Variants in ZNF131 observed in about 807,000 individuals in gnomAD.
The protein encoded by ZNF131 is zinc finger protein 131.
In ZNF131, 7 loss-of-function variants were observed where a neutral mutation model predicts 60.0. That is an observed-to-expected ratio of 0.12 (90% CI 0.07 to 0.22). ZNF131 has a LOEUF of 0.22. Among genes scored for constraint, ZNF131 ranks in the 10% least tolerant of loss-of-function variants. The pLI is 1.00. For synonymous variants in ZNF131, 257 were observed against 253.2 expected (o/e 1.01, Z -0.14); for missense variants, 493 against 740.9 (o/e 0.67, Z 3.88).
intron 3 of ZNF131, among the ~76,000 whole-genome samples, chr5:43,137,793 C>T (rs1329301137): frequency 2.0e-5 from 3 of 152,142 alleles, no homozygotes; most frequent in African/African-American, 7.2e-5. Flanking sequence ...TTCATTGCAG[C>T]ACTATTTACA....
intron 4 of ZNF131, among the ~76,000 whole-genome samples, chr5:43,156,172 C>T (rs774640941): frequency 2.0e-4 from 31 of 152,308 alleles, no homozygotes; most frequent in Admixed American, 4.6e-4. Flanking sequence ...ATCAGCCGTA[C>T]CACAAGGTCA....
intron 4 of ZNF131, among the ~76,000 whole-genome samples, chr5:43,150,500 C>T (rs1339490086): frequency 6.6e-6 from 1 of 152,114 alleles, no homozygotes; most frequent in Non-Finnish European, 1.5e-5. Context: ...CCGTAGGGAC[C>T]AGGACCTGGC....
At chr5:43,127,079 G>A (rs1445085705) in intron 3 of ZNF131, among the ~76,000 whole-genome samples, 1 of 152,090 alleles carries the variant, frequency 6.6e-6, no homozygotes, top group East Asian at 1.9e-4. Context: ...ACTTTTCAGA[G>A]TCCTTGTATA....
In ZNF131 at chr5:43,161,478, C is replaced by G; in HGVS notation, c.601C>G (p.Gln201Glu). The part of the protein sequence containing the change: ...ASAKQSVKYI[Q>E]STGSSDDSAL... ...TGCCAAGCAGTCCGTAAAGTACATACAGAGCACAGGTTCCTCTGATGATTC... is the reference window on the plus strand; with the variant it reads ...TGCCAAGCAGTCCGTAAAGTACATAGAGAGCACAGGTTCCTCTGATGATTC... The change falls in exon 5 of 7, where the codon CAG becomes GAG. Residue 201 changes from glutamine to glutamate, a missense_variant. This residue lies in a region of ZNF131 where 138 missense variants were observed against 158.7 expected (regional missense o/e 0.87). Coordinates refer to ENST00000682664, the MANE Select transcript of ZNF131 (RefSeq NM_001330707.2). 3 of 1,614,270 alleles carry G rather than the reference C, an allele frequency of 1.9e-6. No individual in the cohort carries two copies. The highest frequency in any genetic ancestry group is 1.7e-6 in the Non-Finnish European group (2 of 1,180,046).
intron 4 of ZNF131, among the ~76,000 whole-genome samples, chr5:43,151,407 C>A (rs1392832537): frequency 2.6e-5 from 4 of 152,144 alleles, no homozygotes; most frequent in Admixed American, 1.3e-4. Flanking sequence ...TTATAACCAC[C>A]TCTTAGGTGT....
intron 3 of ZNF131, among the ~76,000 whole-genome samples, chr5:43,131,038 T>G (rs1439409557): frequency 6.6e-6 from 1 of 151,982 alleles, no homozygotes; most frequent in Non-Finnish European, 1.5e-5. Context: ...CCAATTTTTG[T>G]ATTTTTAATA....
intron 4 of ZNF131, among the ~76,000 whole-genome samples, chr5:43,142,668 T>C (rs1247800207): frequency 7.1e-6 from 1 of 141,826 alleles, no homozygotes; most frequent in Non-Finnish European, 1.5e-5. Flanking sequence ...ACCCCCATTC[T>C]GTCTCTCAGA....
At chr5:43,170,590 T>C (rs940138189) in intron 5 of ZNF131, among the ~76,000 whole-genome samples, 3 of 151,844 alleles carry the variant, frequency 2.0e-5, no homozygotes, top group East Asian at 3.9e-4. Flanking sequence ...AGATTACTTA[T>C]CTTCCAACCC....
At chr5:43,146,439 A>G (rs978638472) in intron 4 of ZNF131, among the ~76,000 whole-genome samples, 1 of 151,862 alleles carries the variant, frequency 6.6e-6, no homozygotes, top group Non-Finnish European at 1.5e-5. Context: ...ACAAAACAAA[A>G]TTAGCTGGGT....
intron 5 of ZNF131, among the ~76,000 whole-genome samples, chr5:43,166,135 G>C (rs985368697): frequency 6.6e-6 from 1 of 152,130 alleles, no homozygotes; most frequent in Non-Finnish European, 1.5e-5. Context: ...CTTTTATCCA[G>C]GTTACTCACT....
At position 43,163,298 on chromosome 5, in the gene ZNF131, T is replaced by C. The variant is rs140978135; in HGVS notation, c.1054+1367T>C. On this transcript the variant is annotated intron_variant, in intron 5 of 6. Coordinates refer to ENST00000682664, the MANE Select transcript of ZNF131 (RefSeq NM_001330707.2). ...CGGCCCATGTTTATACTTTTTAATG[T>C]ACATTGAGTTACCTGCTTTGGCACA... Among the ~76,000 whole-genome samples, 418 of 152,292 alleles carry C rather than the reference T, an allele frequency of 2.7e-3. 18 individuals carry two copies. The East Asian group carries it at 0.077, about 28-fold the overall frequency.
chr5:43,144,165 A>G (rs570361394), intron 4 of ZNF131, among the ~76,000 whole-genome samples: 19 of 144,992 alleles, frequency 1.3e-4, no homozygotes, highest in African/African-American at 4.3e-4. Flanking sequence ...CTCGTGATCC[A>G]CTTGTCTCGG....
chr5:43,124,482 T>C lies in ZNF131; in HGVS notation c.226+1172T>C, dbSNP rs1744260236. Reference sequence around the variant, plus strand: ...AAGAGTTAAGAATATTCTTTAATTTTGGTATATTCCAGTTTAGCATTATAG... The same window carrying C: ...AAGAGTTAAGAATATTCTTTAATTTCGGTATATTCCAGTTTAGCATTATAG... On this transcript the variant is annotated intron_variant, in intron 3 of 6. Coordinates refer to ENST00000682664, the MANE Select transcript of ZNF131 (RefSeq NM_001330707.2). 4 of 152,242 alleles carry C rather than the reference T, an allele frequency of 2.6e-5. No homozygotes were observed. In the South Asian group the frequency reaches 8.3e-4, roughly 31 times the overall value. The allele number at this position is 152,242 out of a possible 1,614,324, so 9.4% of individuals were successfully genotyped here.
At chr5:43,129,815 C>T (rs1468895506) in intron 3 of ZNF131, among the ~76,000 whole-genome samples, 8 of 152,052 alleles carry the variant, frequency 5.3e-5, no homozygotes, top group Admixed American at 3.3e-4. Context: ...CCACCACGCC[C>T]GGCTACTTTT....
chr5:43,153,548 A>G (rs1748594908), intron 4 of ZNF131, among the ~76,000 whole-genome samples: 1 of 150,708 alleles, frequency 6.6e-6, no homozygotes, highest in African/African-American at 2.4e-5. Context: ...AGGCTGAGGC[A>G]GGAGAATCAC....
rs149440189 is a variant in ZNF131 at position 43,142,556 on chromosome 5, G to C, written c.371+3247G>C. ...CCTGACCTCGTGATCCACCTGCCTC[G>C]ACCTCCCAAAGTGCTGGGATTATAG... On this transcript the variant is annotated intron_variant, in intron 4 of 6. Transcript: ENST00000682664. Among the ~76,000 whole-genome samples, 951 of 151,790 alleles carry C rather than the reference G, an allele frequency of 6.3e-3. 9 individuals are homozygous for C. Among genetic ancestry groups the C allele is most frequent in the African/African-American group, 0.022 (914 of 41,422 alleles).
In ZNF131 at chr5:43,160,314, G is replaced by A. The variant is rs570292250; in HGVS notation, c.372-935G>A. On this transcript the variant is annotated intron_variant, in intron 4 of 6. Transcript: ENST00000682664. The stretch of plus-strand genomic sequence containing the variant: ...GCCCAGGAGTTCAAGACCACCCTGG[G>A]TGACATAGTGAGACCTCGATTCTAT... 7.2e-5 allele frequency among the ~76,000 whole-genome samples: 11 copies of A among 152,204 alleles called. No individual in the cohort carries two copies. The South Asian group carries it at 2.3e-3, about 32-fold the overall frequency.
At chr5:43,164,171 C>T (rs530676804) in intron 5 of ZNF131, among the ~76,000 whole-genome samples, 1 of 152,164 alleles carries the variant, frequency 6.6e-6, no homozygotes, top group Non-Finnish European at 1.5e-5. Flanking sequence ...CACTTACATG[C>T]AGATTTCATT....
intron 4 of ZNF131, among the ~76,000 whole-genome samples, chr5:43,142,292 A>G (rs949798060): frequency 7.1e-6 from 1 of 140,492 alleles, no homozygotes; most frequent in South Asian, 2.6e-4. Flanking sequence ...CAGTGAGCTG[A>G]GATCATGCCA....
Sources: gnomAD v4.1 joint callset for allele counts (sites outside exome capture counted in the v4.1 genomes callset) on GRCh38, gnomAD v4.1.1 for gene constraint, gnomAD v4.1.1 regional missense constraint, MANE v1.5 for transcripts, NCBI Gene and HGNC (gene_info 2026-07-23, HGNC 2026-07-21) for gene names.